SIRPB2: variants seen among roughly 807,000 people sequenced by gnomAD.
The protein encoded by SIRPB2 is signal regulatory protein beta 2, also known as signal-regulatory protein beta-2.
Under a neutral mutation model 27.1 loss-of-function variants are expected in SIRPB2, and 18 were observed. The ratio of observed to expected loss-of-function variants is 0.66; its 90% CI spans 0.46 to 0.98. The LOEUF is 0.98. Among genes scored for constraint, SIRPB2 ranks in the 50% least tolerant of loss-of-function variants. The pLI, the probability that SIRPB2 is intolerant of heterozygous loss-of-function variation, is 0.00. For synonymous variants in SIRPB2, 150 were observed against 164.6 expected (o/e 0.91, Z 0.68); for missense variants, 420 against 417.4 (o/e 1.01, Z -0.06).
intron 4 of SIRPB2, chr20:1,476,694 G>T: frequency 9.5e-7 from 1 of 1,053,244 alleles, no homozygotes; most frequent in Non-Finnish European, 1.1e-6. Flanking sequence ...GGCCACATGT[G>T]TTAAAGAAGT....
chr20:1,477,975 A>G (rs144358603), intron 3 of SIRPB2: 260 of 538,698 alleles, frequency 4.8e-4, no homozygotes, highest in African/African-American at 4.4e-3. Flanking sequence ...TGCCTGGCCA[A>G]TGTTTGTTGA....
In SIRPB2 at chr20:1,475,772, CTGGCTG is replaced by C; in HGVS notation, c.*389_*394del. 5.7e-6 allele frequency: 1 copy of C among 176,446 alleles called. No homozygotes were observed. The highest frequency in any genetic ancestry group is 1.2e-4 in the South Asian group (1 of 8,596). The allele number at this position is 176,446 out of a possible 1,614,324, so 10.9% of individuals were successfully genotyped here. On this transcript the variant is annotated 3_prime_UTR_variant, in exon 5 of 5. Transcript: ENST00000359801. ...GTGTAGATGGAGGGGCACAGATGGT[CTGGCTG>C]GTTGAGTTCAGAGATTCTTACAGAC...
downstream of SIRPB2, among the ~76,000 whole-genome samples, chr20:1,474,259 A>G (rs539242088): frequency 8.9e-4 from 136 of 152,292 alleles, no homozygotes; most frequent in African/African-American, 3.2e-3. Context: ...ACAAGGTAAC[A>G]GTCAAAGGTT....
At chr20:1,489,120 G>A (rs777063054) in intron 1 of SIRPB2, among the ~76,000 whole-genome samples, 1 of 152,168 alleles carries the variant, frequency 6.6e-6, no homozygotes, top group Non-Finnish European at 1.5e-5. Flanking sequence ...ATAACTGTGT[G>A]ATCCTTATTA....
At chr20:1,471,164 A>G (rs1258554765), downstream of SIRPB2, 1 of 152,242 alleles carries the variant, frequency 6.6e-6, no homozygotes, top group Non-Finnish European at 1.5e-5. Flanking sequence ...TATTGGCATA[A>G]GCCTGAAACA....
chr20:1,473,736 C>T, downstream of SIRPB2: 2 of 421,258 alleles, frequency 4.7e-6, no homozygotes, highest in South Asian at 3.3e-5. Flanking sequence ...TGGCAGGGAC[C>T]AGCTCATGCA....
chr20:1,480,564 C>T (rs1297476616), intron 1 of SIRPB2: 1 of 160,304 alleles, frequency 6.2e-6, no homozygotes, highest in East Asian at 1.8e-4. Context: ...CTTAATCTCA[C>T]CCAACTGGTG....
chr20:1,488,532 C>T (rs1051372725), intron 1 of SIRPB2, among the ~76,000 whole-genome samples: 12 of 151,938 alleles, frequency 7.9e-5, no homozygotes, highest in African/African-American at 2.7e-4. Flanking sequence ...CTTGTAGTCA[C>T]AGTTATTTGG....
chr20:1,491,038 G>A (rs1600030950), intron 1 of SIRPB2, among the ~76,000 whole-genome samples: 1 of 152,184 alleles, frequency 6.6e-6, no homozygotes, highest in South Asian at 2.1e-4. Flanking sequence ...GGGCATAGGA[G>A]CAATCAAGCT....
At chr20:1,478,743 CTCACCAGT>C in intron 2 of SIRPB2, 136 bp from the exon 3 acceptor site, 1 of 694,370 alleles carries the variant, frequency 1.4e-6, no homozygotes, top group Non-Finnish European at 2.3e-6. Flanking sequence ...TTCTTTATTA[CTCACCAGT>C]TGACTCATTC....
At chr20:1,489,533 C>T (rs1051614672) in intron 1 of SIRPB2, among the ~76,000 whole-genome samples, 4 of 152,130 alleles carry the variant, frequency 2.6e-5, no homozygotes, top group Non-Finnish European at 5.9e-5. Flanking sequence ...TGGACTCAGT[C>T]CTGGTGCCCA....
downstream of SIRPB2, among the ~76,000 whole-genome samples, chr20:1,471,680 G>T (rs1195254578): frequency 6.6e-6 from 1 of 152,162 alleles, no homozygotes; most frequent in Non-Finnish European, 1.5e-5. Flanking sequence ...GACCTGGCTG[G>T]CACCTCCTCT....
chr20:1,486,105 C>G (rs1751553074), intron 1 of SIRPB2, among the ~76,000 whole-genome samples: 1 of 148,770 alleles, frequency 6.7e-6, no homozygotes, highest in African/African-American at 2.5e-5. Flanking sequence ...CAGGGCCTCA[C>G]TCTGTCACCC....
intron 2 of SIRPB2, 49 bp from the exon 3 acceptor site, chr20:1,478,656 G>A (rs369069791): frequency 7.8e-5 from 112 of 1,433,780 alleles, no homozygotes; most frequent in East Asian, 1.2e-4. Context: ...CTCTTCCATC[G>A]TTCACTCATT....
Position 1,478,605 on chromosome 20 carries a change from C to T in SIRPB2, c.454G>A (p.Ala152Thr). 2 of 1,559,154 alleles carry T rather than the reference C, an allele frequency of 1.3e-6. No individual in the cohort carries two copies. Among genetic ancestry groups the T allele is most frequent in the Non-Finnish European group, 8.7e-7 (1 of 1,149,330 alleles). The change falls in exon 3 of 5, where the codon GCT becomes ACT. Residue 152 changes from alanine to threonine, a missense_variant and splice_region_variant. Ala to Thr is a moderately conservative substitution (Grantham distance 58). Transcript: ENST00000359801. ...DEGTSVLVKG[A>T]GDPEPDLWII... ...CACAGGTCTGGTTCAGGGTCCCCAG[C>T]TCCTGAAGCCAAAGAGGAGGTCCTT...
intron 1 of SIRPB2, among the ~76,000 whole-genome samples, chr20:1,489,638 T>C (rs141599847): frequency 5.6e-4 from 85 of 152,296 alleles, no homozygotes; most frequent in African/African-American, 1.9e-3. Context: ...GCCTTGTCAG[T>C]GGAGCTGGAC....
chr20:1,481,281 G>A (rs1347394158), intron 1 of SIRPB2, among the ~76,000 whole-genome samples: 1 of 152,102 alleles, frequency 6.6e-6, no homozygotes, highest in Non-Finnish European at 1.5e-5. Context: ...TTCCCAAAGT[G>A]CTGGGATTAC....
At position 1,482,853 on chromosome 20, in the gene SIRPB2, A is replaced by G. The variant is rs78085580; in HGVS notation, c.86-2788T>C. 7.4e-3 allele frequency among the ~76,000 whole-genome samples: 1,129 copies of G among 151,900 alleles called. 25 individuals are homozygous for G. The highest frequency in any genetic ancestry group is 0.026 in the African/African-American group (1,093 of 41,360). On this transcript the variant is annotated intron_variant, in intron 1 of 4. Transcript: ENST00000359801. The stretch of plus-strand genomic sequence containing the variant: ...ATGTATTTTTTTTATCAATTCATCC[A>G]TTGATTGACGCTTAGATTGATTCCA...
chr20:1,482,769 ATTT>A (rs151295421), intron 1 of SIRPB2, among the ~76,000 whole-genome samples: 1 of 150,282 alleles, frequency 6.7e-6, no homozygotes, highest in Non-Finnish European at 1.5e-5. Context: ...TGATTTCATT[ATTT>A]TTTTTTCACG....
Sources: allele counts gnomAD v4.1 joint callset (sites outside exome capture counted in the v4.1 genomes callset), GRCh38; gene constraint gnomAD v4.1.1; transcripts MANE v1.5; gene names NCBI Gene and HGNC (gene_info 2026-07-23, HGNC 2026-07-21).